PRKCB: variants seen among roughly 807,000 people sequenced by gnomAD.
PRKCB encodes the protein protein kinase C beta, also known as protein kinase C beta type.
PRKCB carries 13 observed loss-of-function variants against 81.5 expected under a neutral mutation model. The observed-to-expected ratio is 0.16, with a 90% CI of 0.10 to 0.25. PRKCB has a LOEUF of 0.25. PRKCB is among the 10% of genes least tolerant of loss of function. The probability of loss-of-function intolerance (pLI) is 1.00; values close to 1 mark genes in which losing one functional copy is unlikely to be tolerated. For missense variants in PRKCB, 509 were observed against 875.7 expected (o/e 0.58, Z 5.29); for synonymous variants, 335 against 321.4 (o/e 1.04, Z -0.45).
At chr16:24,213,331 T>G (rs1968175574) in intron 16 of PRKCB, among the ~76,000 whole-genome samples, 1 of 152,132 alleles carries the variant, frequency 6.6e-6, no homozygotes, top group Admixed American at 6.5e-5. Context: ...CTGCGCCCAG[T>G]CACTGTACTT....
intron 2 of PRKCB, among the ~76,000 whole-genome samples, chr16:23,921,826 C>G (rs889278367): frequency 2.0e-5 from 3 of 152,122 alleles, no homozygotes; most frequent in Non-Finnish European, 4.4e-5. Flanking sequence ...GCTATACCCT[C>G]ATATCACAAT....
At chr16:24,187,065 G>A (rs1033311638) in intron 15 of PRKCB, among the ~76,000 whole-genome samples, 9 of 152,216 alleles carry the variant, frequency 5.9e-5, no homozygotes, top group Admixed American at 5.9e-4. Context: ...AGTTATTGAA[G>A]GGTGGGGGCG....
At chr16:23,893,004 A>C (rs1160243486) in intron 2 of PRKCB, 1 of 151,290 alleles carries the variant, frequency 6.6e-6, no homozygotes, top group Non-Finnish European at 1.5e-5. Flanking sequence ...CTCAGTCTAT[A>C]GGGTGAACTT....
chr16:24,178,040 A>T (rs914212245), intron 12 of PRKCB, among the ~76,000 whole-genome samples: 2 of 152,252 alleles, frequency 1.3e-5, no homozygotes, highest in African/African-American at 2.4e-5. Context: ...GATTGATTTC[A>T]TAGTGGTAAG....
At chr16:23,883,098 C>T (rs1159277863) in intron 2 of PRKCB, among the ~76,000 whole-genome samples, 2 of 152,016 alleles carry the variant, frequency 1.3e-5, no homozygotes, top group South Asian at 4.2e-4. Context: ...TTACATAGGT[C>T]CCCACCCTCC....
chr16:24,053,528 A>T (rs1965866794), intron 5 of PRKCB, among the ~76,000 whole-genome samples: 1 of 152,230 alleles, frequency 6.6e-6, no homozygotes, highest in Admixed American at 6.5e-5. Context: ...CAAAGTAGGT[A>T]AATAAGTAAA....
rs186564527 is a variant in PRKCB at position 24,207,765 on chromosome 16, G to A, written c.1864-6893G>A. 1.7e-3 allele frequency among the ~76,000 whole-genome samples: 255 copies of A among 152,310 alleles called. 1 individual carries two copies. Among genetic ancestry groups the A allele is most frequent in the African/African-American group, 5.8e-3 (240 of 41,564 alleles). ...TAGAGGACAGGTCAGGGAAAACCTC[G>A]TGGAGGAAGTGACACTGCTCTGGAG... is the stretch of plus-strand genomic sequence containing the variant. On this transcript the variant is annotated intron_variant, in intron 16 of 16. Coordinates refer to ENST00000643927, the MANE Select transcript of PRKCB (RefSeq NM_002738.7).
chr16:23,877,276 G>A (rs1474497787), intron 2 of PRKCB, among the ~76,000 whole-genome samples: 1 of 152,164 alleles, frequency 6.6e-6, no homozygotes, highest in African/African-American at 2.4e-5. Flanking sequence ...GCTCAAGACT[G>A]CAGTGAGCTA....
chr16:24,116,749 T>G (rs1966741414), intron 8 of PRKCB, among the ~76,000 whole-genome samples: 2 of 151,600 alleles, frequency 1.3e-5, no homozygotes, highest in Non-Finnish European at 2.9e-5. Flanking sequence ...TTCCCCCAAC[T>G]TGCTGATGAA....
intron 3 of PRKCB, among the ~76,000 whole-genome samples, chr16:24,014,494 T>A (rs1006685719): frequency 6.6e-6 from 1 of 152,200 alleles, no homozygotes; most frequent in Non-Finnish European, 1.5e-5. Context: ...CTAACCCCTT[T>A]GTTTTCAGAA....
chr16:24,015,274 A>G (rs1276309088), intron 3 of PRKCB, among the ~76,000 whole-genome samples: 1 of 152,148 alleles, frequency 6.6e-6, no homozygotes. Context: ...TCTCCATTTT[A>G]CAGGTGAGAA....
chr16:24,155,274 G>C (rs1967139494), intron 10 of PRKCB, among the ~76,000 whole-genome samples: 1 of 152,166 alleles, frequency 6.6e-6, no homozygotes, highest in Admixed American at 6.5e-5. Context: ...TTGGAGGGAG[G>C]ATGTTGCCTG....
rs766414532 is a variant in PRKCB at position 23,881,393 on chromosome 16, C to G, written c.205+43987C>G. ...TCAGCCTCCCAAGTAGTTGGGATTACAGGCACTCACCACCACACCCAGCTA... is the reference window on the plus strand; with the variant it reads ...TCAGCCTCCCAAGTAGTTGGGATTAGAGGCACTCACCACCACACCCAGCTA... On this transcript the variant is annotated intron_variant, in intron 2 of 16. Coordinates refer to ENST00000643927, the MANE Select transcript of PRKCB (RefSeq NM_002738.7). 5.8e-4 allele frequency among the ~76,000 whole-genome samples: 88 copies of G among 151,932 alleles called. No individual in the cohort carries two copies. In the Middle Eastern group the frequency reaches 0.017, roughly 29 times the overall value.
At chr16:23,981,569 C>T (rs943514642) in intron 2 of PRKCB, among the ~76,000 whole-genome samples, 1 of 119,462 alleles carries the variant, frequency 8.4e-6, no homozygotes, top group African/African-American at 3.1e-5. Flanking sequence ...TTTCTTCTTT[C>T]CTTTCTTTTC....
In PRKCB at chr16:24,117,965, G is replaced by A. The variant is rs77168727; in HGVS notation, c.918+4896G>A. ...CCCGCACTTTCAATGTGCCCTGTGC[G>A]CTGTGCCCGCTCCTATAACCAGAAA... is the stretch of plus-strand genomic sequence containing the variant. On this transcript the variant is annotated intron_variant, in intron 8 of 16. Transcript: ENST00000643927. Among the ~76,000 whole-genome samples the A allele has an allele frequency of 3.9e-5, 6 of 152,338 alleles. 1 individual carries two copies. The highest frequency in any genetic ancestry group is 1.3e-4 in the Admixed American group (2 of 15,306).
chr16:24,092,494 G>A (rs558215065), intron 5 of PRKCB, among the ~76,000 whole-genome samples: 33 of 152,316 alleles, frequency 2.2e-4, no homozygotes, highest in African/African-American at 7.7e-4. Flanking sequence ...AATGAAAGAA[G>A]CCAGCCTTTC....
chr16:24,033,591 A>G (rs899267003), intron 4 of PRKCB, among the ~76,000 whole-genome samples: 1 of 151,994 alleles, frequency 6.6e-6, no homozygotes, highest in South Asian at 2.1e-4. Context: ...GCAAAACCCA[A>G]TCTCTACTAA....
chr16:24,110,154 G>T (rs1347622898), intron 7 of PRKCB, among the ~76,000 whole-genome samples: 1 of 120,462 alleles, frequency 8.3e-6, no homozygotes, highest in East Asian at 2.1e-4. Context: ...GGGAGAGGAG[G>T]GAGAGGAGGG....
chr16:24,005,967 A>T (rs1965112904), intron 3 of PRKCB, among the ~76,000 whole-genome samples: 1 of 152,214 alleles, frequency 6.6e-6, no homozygotes, highest in African/African-American at 2.4e-5. Context: ...CTCTCTTGGG[A>T]TGACCATCAC....
Sources: gnomAD v4.1 joint callset for allele counts (sites outside exome capture counted in the v4.1 genomes callset) on GRCh38, gnomAD v4.1.1 for gene constraint, MANE v1.5 for transcripts, NCBI Gene and HGNC (gene_info 2026-07-23, HGNC 2026-07-21) for gene names.